NWD2: variants seen among roughly 807,000 people sequenced by gnomAD.
The protein encoded by NWD2 is NACHT and WD repeat domain-containing protein 2.
Under a neutral mutation model 132.7 loss-of-function variants are expected in NWD2, and 37 were observed. That is an observed-to-expected ratio of 0.28 (90% confidence interval 0.21 to 0.37). The LOEUF is 0.37. Ranked by LOEUF, NWD2 falls within the 10% of genes least tolerant of loss-of-function variation. NWD2 has a pLI of 1.00. For synonymous variants in NWD2, 705 were observed against 803.0 expected, an observed-to-expected ratio of 0.88 and a Z score of 2.06; for missense variants, 1,592 against 2,122.4, an observed-to-expected ratio of 0.75 and a Z score of 4.91.
rs1456474676 is a variant in NWD2 at position 37,443,411 on chromosome 4, G to A, written c.1423G>A (p.Ala475Thr). The A allele has an allele frequency of 1.9e-6, 3 of 1,552,154 alleles. No homozygotes were observed. Among genetic ancestry groups the A allele is most frequent in the East Asian group, 4.9e-5 (2 of 40,914 alleles). ...CCTTCTAAGTGTTTGTGAACAATTG[G>A]CAGTTAACTACCGGTGTCTGGTTCA... ...TLLLSVCEQLAVNYRCLVQSY... is the reference protein window; with the variant it reads ...TLLLSVCEQLTVNYRCLVQSY... The change falls in exon 7 of 7, where the codon GCA becomes ACA. Residue 475 changes from alanine to threonine, a missense_variant. Ala to Thr is a moderately conservative substitution (Grantham distance 58, BLOSUM62 0). This residue lies in a region of NWD2 where 1,071 missense variants were observed against 1,398.0 expected (regional missense o/e 0.77). Transcript: ENST00000309447. The surrounding 1 kb of genome is among the most constrained non-coding windows in gnomAD (Gnocchi z 4.1).
intron 1 of NWD2, among the ~76,000 whole-genome samples, chr4:37,247,873 G>C (rs936007410): frequency 6.6e-6 from 1 of 152,148 alleles, no homozygotes; most frequent in Non-Finnish European, 1.5e-5. Flanking sequence ...GCCTCCCAAA[G>C]TGCTGGGATT....
intron 3 of NWD2, among the ~76,000 whole-genome samples, chr4:37,406,740 T>C (rs1721050345): frequency 6.6e-6 from 1 of 151,968 alleles, no homozygotes; most frequent in Admixed American, 6.6e-5. Context: ...CTACTAAAAA[T>C]ACAAAAGTAG....
At chr4:37,410,659 A>G (rs1721137110) in intron 3 of NWD2, among the ~76,000 whole-genome samples, 1 of 152,186 alleles carries the variant, frequency 6.6e-6, no homozygotes, top group Non-Finnish European at 1.5e-5. Context: ...ATAGACATCT[A>G]CTGAACTCTC....
chr4:37,433,237 C>A (rs56786097), intron 4 of NWD2, among the ~76,000 whole-genome samples: 13,629 of 152,118 alleles, frequency 0.09, 1,298 homozygotes, highest in African/African-American at 0.23. Context: ...AACCTGATAC[C>A]CCAAGAAACC....
intron 3 of NWD2, among the ~76,000 whole-genome samples, chr4:37,362,630 A>G (rs1045806071): frequency 6.6e-6 from 1 of 151,236 alleles, no homozygotes; most frequent in Non-Finnish European, 1.5e-5. Context: ...AGGAGAATGA[A>G]ATTGGACCCC....
At chr4:37,367,856 A>G (rs968623582) in intron 3 of NWD2, among the ~76,000 whole-genome samples, 1 of 152,154 alleles carries the variant, frequency 6.6e-6, no homozygotes, top group Non-Finnish European at 1.5e-5. Flanking sequence ...CTAGTAAGGG[A>G]TAAGAGCCAG....
chr4:37,284,072 C>G (rs566472736), intron 1 of NWD2, among the ~76,000 whole-genome samples: 3 of 152,276 alleles, frequency 2.0e-5, no homozygotes, highest in African/African-American at 7.2e-5. Context: ...TCTGTTTGGA[C>G]TGTTATAACA....
At chr4:37,322,089 A>G (rs1173396212) in intron 1 of NWD2, among the ~76,000 whole-genome samples, 1 of 152,174 alleles carries the variant, frequency 6.6e-6, no homozygotes, top group African/African-American at 2.4e-5. Context: ...ATTGCAGGGA[A>G]ACCATGCCTG....
At chr4:37,422,495 C>T (rs771468861) in intron 3 of NWD2, among the ~76,000 whole-genome samples, 18 of 152,178 alleles carry the variant, frequency 1.2e-4, no homozygotes, top group Non-Finnish European at 2.4e-4. Flanking sequence ...CCCTTCTAGC[C>T]TCTATTTGTC....
chr4:37,415,227 G>A (rs1711558544), intron 3 of NWD2, among the ~76,000 whole-genome samples: 1 of 152,098 alleles, frequency 6.6e-6, no homozygotes, highest in South Asian at 2.1e-4. Context: ...GGAGACCTGG[G>A]GTCAGATTCC....
chr4:37,283,699 G>C (rs1577654987), intron 1 of NWD2, among the ~76,000 whole-genome samples: 1 of 152,118 alleles, frequency 6.6e-6, no homozygotes, highest in South Asian at 2.1e-4. Context: ...GTAGTAGTGG[G>C]AGCTCAGATA....
chr4:37,306,426 A>G (rs994274465), intron 1 of NWD2, among the ~76,000 whole-genome samples: 3 of 151,820 alleles, frequency 2.0e-5, no homozygotes, highest in Admixed American at 1.3e-4. Context: ...TATTTGAAAT[A>G]TTTCTACTTT....
At chr4:37,348,680 A>ATATG (rs1719698427) in intron 2 of NWD2, among the ~76,000 whole-genome samples, 5 of 127,538 alleles carry the variant, frequency 3.9e-5, no homozygotes, top group Non-Finnish European at 8.4e-5. Flanking sequence ...ATATATACAC[A>ATATG]CACACACACA....
intron 2 of NWD2, among the ~76,000 whole-genome samples, chr4:37,345,828 T>TC (rs1473577418): frequency 1.3e-5 from 2 of 152,140 alleles, no homozygotes; most frequent in East Asian, 3.9e-4. Flanking sequence ...ATGCCTGTAA[T>TC]CGAGCACTTT....
intron 1 of NWD2, among the ~76,000 whole-genome samples, chr4:37,268,284 C>T (rs928411278): frequency 2.6e-5 from 4 of 151,976 alleles, no homozygotes; most frequent in Admixed American, 2.0e-4. Context: ...GTCCACAACT[C>T]ATCAAAACCT....
chr4:37,407,754 T>G (rs550790496), intron 3 of NWD2, among the ~76,000 whole-genome samples: 3 of 152,310 alleles, frequency 2.0e-5, no homozygotes, highest in Admixed American at 2.0e-4. Context: ...CATGGTGGAA[T>G]AGGATCAGCT....
intron 2 of NWD2, among the ~76,000 whole-genome samples, chr4:37,348,666 ATATATAT>A: frequency 1.1e-5 from 1 of 90,416 alleles, no homozygotes; most frequent in Non-Finnish European, 2.3e-5. Flanking sequence ...ATATATATAT[ATATATAT>A]ATACACACAC....
chr4:37,329,326 C>T (rs889250869), intron 2 of NWD2, among the ~76,000 whole-genome samples: 2 of 151,632 alleles, frequency 1.3e-5, no homozygotes, highest in African/African-American at 2.4e-5. Flanking sequence ...AGTGTAGATT[C>T]CAGGGATAAT....
intron 2 of NWD2, among the ~76,000 whole-genome samples, chr4:37,326,237 T>G (rs2109287870): frequency 6.6e-6 from 1 of 152,314 alleles, no homozygotes; most frequent in South Asian, 2.1e-4. Context: ...CTTGGACCCT[T>G]CCTGGTATGG....
Sources: allele counts gnomAD v4.1 joint callset (sites outside exome capture counted in the v4.1 genomes callset), GRCh38; gene constraint gnomAD v4.1.1; regional missense constraint gnomAD v4.1.1; non-coding constraint Gnocchi (gnomAD v3.1); transcripts MANE v1.5; gene names NCBI Gene and HGNC (gene_info 2026-07-23, HGNC 2026-07-21).